Variants in TNIP1 observed in about 807,000 individuals in gnomAD.
The protein encoded by TNIP1 is TNFAIP3 interacting protein 1.
In TNIP1, 22 loss-of-function variants were observed where a neutral mutation model predicts 86.6. The ratio of observed to expected loss-of-function variants is 0.25; its 90% CI spans 0.18 to 0.36. The LOEUF is 0.36. TNIP1 is among the 10% of genes least tolerant of loss of function. The pLI is 1.00. For synonymous variants in TNIP1, 294 were observed against 313.0 expected (o/e 0.94, Z 0.64); for missense variants, 709 against 820.6 (o/e 0.86, Z 1.66).
At chr5:151,078,675 G>A (rs955583064) in intron 1 of TNIP1, among the ~76,000 whole-genome samples, 8 of 152,182 alleles carry the variant, frequency 5.3e-5, no homozygotes, top group Non-Finnish European at 7.4e-5. Context: ...AGACTTGATC[G>A]ATAAGGAAAA....
rs1041396781 is a variant in TNIP1, at chr5:151,081,027, G to A, written c.-184C>T. 5 of 152,048 alleles carry A rather than the reference G, an allele frequency of 3.3e-5. No homozygotes were observed. Among genetic ancestry groups the A allele is most frequent in the African/African-American group, 7.2e-5 (3 of 41,390 alleles). 9.4% of individuals were successfully genotyped at this position (152,048 alleles called of 1,614,324 possible). A position where few individuals can be genotyped will look rare whatever the true frequency, so the allele number is the denominator to read the frequency against. ...GGGGCAGGGCACCCGGGCCGAGGAC[G>A]AGGAAGTGCCGGGGGCCTGGCCGGG... On this transcript the variant is annotated 5_prime_UTR_variant, in exon 1 of 18. Transcript: ENST00000521591.
intron 6 of TNIP1, among the ~76,000 whole-genome samples, chr5:151,053,662 G>T (rs1367518265): frequency 6.6e-6 from 1 of 152,228 alleles, no homozygotes; most frequent in Non-Finnish European, 1.5e-5. Flanking sequence ...TCTTTCCACA[G>T]ATCCTCACTG....
chr5:151,065,029 C>T lies in TNIP1; in HGVS notation c.67G>A (p.Ala23Thr), dbSNP rs768951483. 5.0e-6 allele frequency: 8 copies of T among 1,614,196 alleles called. No individual in the cohort carries two copies. The East Asian group carries it at 6.7e-5, about 13-fold the overall frequency. ...GGSVPSGEAS[A>T]AFERLVKENS... ...TCCTTCACTAGGCGCTCAAAAGCTG[C>T]GGATGCCTCTCCTGAGGGCACGCTG... Residue 23 changes from alanine to threonine, a missense_variant, in exon 2 of 18, where the codon GCA (alanine) becomes ACA (threonine). By Grantham distance (58) the Ala-to-Thr change is moderately conservative. Coordinates refer to ENST00000521591, the MANE Select transcript of TNIP1 (RefSeq NM_006058.5).
At chr5:151,046,976 G>A (rs1759259492) in intron 8 of TNIP1, among the ~76,000 whole-genome samples, 1 of 152,206 alleles carries the variant, frequency 6.6e-6, no homozygotes. Flanking sequence ...AATAACTGCT[G>A]CAGGTGGAGA....
rs114928252 is a variant in TNIP1, at chr5:151,036,217, G to A, written c.1396-510C>T. Among the ~76,000 whole-genome samples, 582 of 152,266 alleles carry A rather than the reference G, an allele frequency of 3.8e-3. 2 individuals are homozygous for A. The highest frequency in any genetic ancestry group is 0.013 in the African/African-American group (558 of 41,546). On this transcript the variant is annotated intron_variant, in intron 13 of 17. Transcript: ENST00000521591. ...TGGCTAGGTTCAAGGCAGTTTAGGA[G>A]GATTAAATAGCACAGAGACAATGGG...
chr5:151,063,936 G>A (rs1304101048), intron 2 of TNIP1, among the ~76,000 whole-genome samples, 189 bp from the exon 3 acceptor site: 1 of 152,200 alleles, frequency 6.6e-6, no homozygotes, highest in African/African-American at 2.4e-5. Context: ...AAACAGGCTA[G>A]AGCAAGGACG....
intron 16 of TNIP1, 26 bp downstream of exon 16, chr5:151,033,582 G>T: frequency 7.1e-7 from 1 of 1,412,760 alleles, no homozygotes; most frequent in Non-Finnish European, 9.4e-7. Context: ...TGTGTGCCCT[G>T]GAGCAAGGGA....
At chr5:151,036,413 T>C (rs1757709420) in intron 13 of TNIP1, among the ~76,000 whole-genome samples, 1 of 152,204 alleles carries the variant, frequency 6.6e-6, no homozygotes, top group African/African-American at 2.4e-5. Context: ...TTAATAACAT[T>C]GTTCTGTTTT....
At chr5:151,039,022 G>C in intron 12 of TNIP1, 75 bp downstream of exon 12, 1 of 1,546,780 alleles carries the variant, frequency 6.5e-7, no homozygotes, top group East Asian at 2.3e-5. Context: ...AATGGTTGGG[G>C]GTGCCAGTGA....
intron 1 of TNIP1, chr5:151,079,983 T>G (rs1463133775): frequency 2.0e-5 from 3 of 152,210 alleles, no homozygotes; most frequent in Non-Finnish European, 4.4e-5. Context: ...TGCACTGTCA[T>G]TCTGCAAGGG....
chr5:151,043,807 A>G, intron 9 of TNIP1, among the ~76,000 whole-genome samples: 1 of 151,942 alleles, frequency 6.6e-6, no homozygotes. Context: ...AAAAGAAAAC[A>G]GAAAATAAAG....
intron 1 of TNIP1, among the ~76,000 whole-genome samples, chr5:151,079,309 T>C (rs775976062): frequency 2.4e-4 from 37 of 152,198 alleles, no homozygotes; most frequent in Non-Finnish European, 5.1e-4. Flanking sequence ...TTTCCTCATC[T>C]GAAAATTAAG....
chr5:151,059,007 T>C (rs1761040796), intron 5 of TNIP1, among the ~76,000 whole-genome samples: 1 of 152,152 alleles, frequency 6.6e-6, no homozygotes. Context: ...CTGCATCCAT[T>C]CCCCCACTGC....
Position 151,080,956 on chromosome 5 carries a change from C to A in TNIP1, c.-113G>T, listed in dbSNP as rs558609328. On this transcript the variant is annotated 5_prime_UTR_variant, in exon 1 of 18. Transcript: ENST00000521591. ...CGAATCCAGGGACGGGGCAGCGGCC[C>A]GGGCAAGGCTCCGGCCCCCCGTAGC... The A allele has an allele frequency of 6.6e-6, 1 of 152,238 alleles. No homozygotes were observed. Among genetic ancestry groups the A allele is most frequent in the African/African-American group, 2.4e-5 (1 of 41,540 alleles). 9.4% of individuals were successfully genotyped at this position (152,238 alleles called of 1,614,324 possible).
Position 151,037,309 on chromosome 5 carries a change from C to G in TNIP1, c.1264-388G>C, listed in dbSNP as rs532083508. On this transcript the variant is annotated intron_variant, in intron 12 of 17. Transcript: ENST00000521591. Reference sequence around the variant, plus strand: ...CATGCAGAAGGGGAAACCTCCCCTTCCCTGAACATGTGTGGCTCAATTCTT... The same window carrying G: ...CATGCAGAAGGGGAAACCTCCCCTTGCCTGAACATGTGTGGCTCAATTCTT... 36 of 155,880 alleles carry G rather than the reference C, an allele frequency of 2.3e-4. 1 individual carries two copies. In the South Asian group the frequency reaches 6.8e-3, roughly 29 times the overall value. The allele number at this position is 155,880 out of a possible 1,614,324, so 9.7% of individuals were successfully genotyped here.
At chr5:151,037,445 C>T (rs959802624) in intron 12 of TNIP1, 1 of 152,352 alleles carries the variant, frequency 6.6e-6, no homozygotes, top group African/African-American at 2.4e-5. Flanking sequence ...CCATCCAAAC[C>T]ACCCCTTCCA....
chr5:151,081,275 C>T (rs1162863909), upstream of TNIP1, among the ~76,000 whole-genome samples: 1 of 152,172 alleles, frequency 6.6e-6, no homozygotes, highest in Non-Finnish European at 1.5e-5. Flanking sequence ...GGCGCCTTGC[C>T]GCACTCCCAG....
In TNIP1 at chr5:151,034,995, T is replaced by G; in HGVS notation, c.1587+7A>C. 6.2e-7 allele frequency: 1 copy of G among 1,614,054 alleles called. No homozygotes were observed. Among genetic ancestry groups the G allele is most frequent in the Non-Finnish European group, 8.5e-7 (1 of 1,179,952 alleles). ...TCAGTGCTGCTACCTCCCTCAAGCC[T>G]CCTCACCTTTGCTTTCCTCTTCTGC... On this transcript the variant is annotated splice_region_variant and intron_variant, in intron 15 of 17. Transcript: ENST00000521591.
In TNIP1 at chr5:151,063,703, G is replaced by T. The variant is rs1412571428; in HGVS notation, c.181C>A (p.Gln61Lys). 6.2e-7 allele frequency: 1 copy of T among 1,614,116 alleles called. No homozygotes were observed. Among genetic ancestry groups the T allele is most frequent in the Admixed American group, 1.7e-5 (1 of 60,022 alleles). Residue 61 changes from glutamine (Q) to lysine (K), a missense_variant, in exon 3 of 18, where the codon CAG (glutamine) becomes AAG (lysine). Coordinates refer to ENST00000521591, the MANE Select transcript of TNIP1 (RefSeq NM_006058.5). Reference protein sequence around the residue: ...ESQMEATRLRQKAEELVKDNE... With the variant: ...ESQMEATRLRKKAEELVKDNE... Reference sequence around the variant, plus strand: ...TCCTTCACTAGCTCCTCTGCCTTCTGCCGGAGCCTGGTCGCTTCCATCTGG... The same window carrying T: ...TCCTTCACTAGCTCCTCTGCCTTCTTCCGGAGCCTGGTCGCTTCCATCTGG...
Sources: allele counts gnomAD v4.1 joint callset (sites outside exome capture counted in the v4.1 genomes callset), GRCh38; gene constraint gnomAD v4.1.1; transcripts MANE v1.5; gene names NCBI Gene and HGNC (gene_info 2026-07-23, HGNC 2026-07-21).